Variants in CALN1 observed in about 807,000 individuals in gnomAD.
CALN1 encodes calcium-binding protein 8.
Under a neutral mutation model 30.6 loss-of-function variants are expected in CALN1, and 17 were observed. The observed-to-expected ratio is 0.56, with a 90% CI of 0.38 to 0.83. The LOEUF (loss-of-function observed/expected upper bound fraction) is 0.83, where lower values mean the gene tolerates loss of function less well. Ranked by LOEUF, CALN1 falls within the 40% of genes least tolerant of loss-of-function variation. The pLI, the probability that CALN1 is intolerant of heterozygous loss-of-function variation, is 0.00. For missense variants in CALN1, 291 were observed against 354.9 expected (o/e 0.82, Z 1.45); for synonymous variants, 156 against 131.4 (o/e 1.19, Z -1.28).
chr7:71,885,744 C>T (rs530055053), intron 5 of CALN1, among the ~76,000 whole-genome samples: 11 of 152,274 alleles, frequency 7.2e-5, no homozygotes, highest in Admixed American at 2.0e-4. Context: ...AAGAGTGAGA[C>T]GCGCTGACCA....
intron 3 of CALN1, among the ~76,000 whole-genome samples, chr7:72,277,329 C>T (rs1252469695): frequency 1.3e-5 from 2 of 152,218 alleles, no homozygotes; most frequent in Non-Finnish European, 2.9e-5. Context: ...TGTATGGGCT[C>T]ACTTTGGAGG....
chr7:72,155,449 G>T (rs374076803), intron 3 of CALN1, among the ~76,000 whole-genome samples: 3 of 149,268 alleles, frequency 2.0e-5, no homozygotes, highest in African/African-American at 5.0e-5. Context: ...CCGAGATCAC[G>T]CCACTGCACT....
At chr7:72,134,781 CTCT>C (rs1465414309) in intron 3 of CALN1, among the ~76,000 whole-genome samples, 1 of 152,116 alleles carries the variant, frequency 6.6e-6, no homozygotes, top group African/African-American at 2.4e-5. Flanking sequence ...CATAGATGGA[CTCT>C]TCATTTCATA....
intron 2 of CALN1, among the ~76,000 whole-genome samples, chr7:72,326,539 C>G (rs914966408): frequency 6.6e-6 from 1 of 152,188 alleles, no homozygotes; most frequent in Non-Finnish European, 1.5e-5. Context: ...ACTGGTTTTC[C>G]GAACCAGCAG....
In CALN1 at chr7:71,864,226, T is replaced by C. The variant is rs368605840; in HGVS notation, c.502-53734A>G. On this transcript the variant is annotated intron_variant, in intron 5 of 6. Transcript: ENST00000395275. The stretch of plus-strand genomic sequence containing the variant: ...ACAGTCTTTTATAACCTCCTTCACT[T>C]GAGGATGGGATATCACTCCCATGAT... Among the ~76,000 whole-genome samples the C allele has an allele frequency of 2.3e-4, 35 of 152,318 alleles. 2 individuals are homozygous for C. The East Asian group carries it at 6.4e-3, about 28-fold the overall frequency.
intron 5 of CALN1, among the ~76,000 whole-genome samples, chr7:71,973,703 A>T (rs1233333240): frequency 6.6e-6 from 1 of 151,902 alleles, no homozygotes; most frequent in African/African-American, 2.4e-5. Context: ...GATGCATGAT[A>T]ATTTGATGAG....
chr7:72,399,513 C>T (rs1319510375), intron 2 of CALN1, among the ~76,000 whole-genome samples: 1 of 152,054 alleles, frequency 6.6e-6, no homozygotes, highest in Non-Finnish European at 1.5e-5. Flanking sequence ...TCGTGATCCA[C>T]CCACCTCGGA....
chr7:72,079,129 A>C (rs981005179), intron 4 of CALN1, among the ~76,000 whole-genome samples: 2 of 152,204 alleles, frequency 1.3e-5, no homozygotes, highest in Non-Finnish European at 2.9e-5. Flanking sequence ...TGAATTCTTC[A>C]AGGATGCAAA....
intron 2 of CALN1, chr7:72,336,786 A>T (rs1802081387): frequency 3.0e-6 from 3 of 984,586 alleles, no homozygotes; most frequent in Non-Finnish European, 3.6e-6. Flanking sequence ...GCCCGCAGGG[A>T]GGGGGCGGTG....
Position 72,342,855 on chromosome 7 carries a change from GA to G in CALN1, c.119+60395del, listed in dbSNP as rs369837707. The stretch of plus-strand genomic sequence containing the variant: ...CTCTGAATAGAAATAGGTAGAAGTA[GA>G]AAAAAAAAATCATTCAAAAAATACA... On this transcript the variant is annotated intron_variant, in intron 2 of 6. Transcript: ENST00000395275. 7.6e-3 allele frequency among the ~76,000 whole-genome samples: 1,148 copies of G among 150,318 alleles called. 17 individuals carry two copies. The highest frequency in any genetic ancestry group is 0.025 in the African/African-American group (1,039 of 40,952).
intron 3 of CALN1, among the ~76,000 whole-genome samples, chr7:72,148,434 A>G (rs1465743253): frequency 5.3e-5 from 8 of 151,476 alleles, no homozygotes. Context: ...AAAAAAGAAA[A>G]AAGAAAAAAA....
chr7:72,415,140 A>C (rs1807381885), upstream of CALN1, among the ~76,000 whole-genome samples: 1 of 152,258 alleles, frequency 6.6e-6, no homozygotes, highest in African/African-American at 2.4e-5. Context: ...GCTGTGAGAA[A>C]ATAACAGCTG....
chr7:72,115,174 AG>A (rs34956830), intron 3 of CALN1, among the ~76,000 whole-genome samples: 35,094 of 147,028 alleles, frequency 0.24, 5,138 homozygotes, highest in East Asian at 0.69. Context: ...TATACTGTAT[AG>A]TATATATTAT....
At chr7:72,422,832 A>T (rs1050718049) in intron 1 of CALN1, among the ~76,000 whole-genome samples, 4 of 152,202 alleles carry the variant, frequency 2.6e-5, no homozygotes, top group African/African-American at 9.6e-5. Flanking sequence ...ATTTCAGATT[A>T]AAAGATTTCA....
intron 4 of CALN1, among the ~76,000 whole-genome samples, chr7:72,099,091 G>T (rs534552294): frequency 6.6e-5 from 10 of 152,100 alleles, no homozygotes; most frequent in Admixed American, 2.0e-4. Flanking sequence ...TCACTGTCGG[G>T]CAAAGCGGCA....
the CALN1 span, among the ~76,000 whole-genome samples, chr7:72,495,977 G>A: frequency 6.6e-6 from 1 of 152,198 alleles, no homozygotes; most frequent in Non-Finnish European, 1.5e-5. Flanking sequence ...CTAAGGTGCA[G>A]TGGCACAATA....
chr7:72,382,327 G>A lies in CALN1; in HGVS notation c.119+20924C>T, dbSNP rs561589050. Among the ~76,000 whole-genome samples, 19 of 152,314 alleles carry A rather than the reference G, an allele frequency of 1.2e-4. No homozygotes were observed. The South Asian group carries it at 3.7e-3, about 30-fold the overall frequency. Reference sequence around the variant, plus strand: ...AAGGGAGAAAAATGACAGCCGTCAGGCAAGAAATAAAGAGAATCTGGGCTC... The same window carrying A: ...AAGGGAGAAAAATGACAGCCGTCAGACAAGAAATAAAGAGAATCTGGGCTC... On this transcript the variant is annotated intron_variant, in intron 2 of 6. Coordinates refer to ENST00000395275, the MANE Select transcript of CALN1 (RefSeq NM_031468.4).
chr7:71,831,070 G>A (rs73362108), intron 5 of CALN1, among the ~76,000 whole-genome samples: 1 of 152,122 alleles, frequency 6.6e-6, no homozygotes. Context: ...GAGTTCAGGA[G>A]CTAATGGACT....
intron 5 of CALN1, among the ~76,000 whole-genome samples, chr7:71,934,857 T>G (rs1795746369): frequency 6.6e-6 from 1 of 152,156 alleles, no homozygotes; most frequent in African/African-American, 2.4e-5. Context: ...ACATATTACA[T>G]GGTGGCAGAG....
Sources: gnomAD v4.1 joint callset for allele counts (sites outside exome capture counted in the v4.1 genomes callset) on GRCh38, gnomAD v4.1.1 for gene constraint, MANE v1.5 for transcripts, NCBI Gene and HGNC (gene_info 2026-07-23, HGNC 2026-07-21) for gene names.